POLA2: variants seen among roughly 807,000 people sequenced by gnomAD.
POLA2 encodes DNA polymerase alpha subunit B.
POLA2 carries 47 observed loss-of-function variants against 82.8 expected under a neutral mutation model. That is an observed-to-expected ratio of 0.57 (90% CI 0.45 to 0.72). The LOEUF is 0.72. Ranked by LOEUF, POLA2 falls within the 30% of genes least tolerant of loss-of-function variation. The pLI, the probability that POLA2 is intolerant of heterozygous loss-of-function variation, is 0.00. For missense variants in POLA2, 634 were observed against 728.1 expected (o/e 0.87, Z 1.49); for synonymous variants, 287 against 286.8 (o/e 1.00, Z -0.01).
chr11:65,279,212 A>C (rs1590899482), intron 6 of POLA2, among the ~76,000 whole-genome samples: 1 of 152,310 alleles, frequency 6.6e-6, no homozygotes, highest in Admixed American at 6.5e-5. Context: ...CCTTCGTTAG[A>C]AGCCTTCTTC....
chr11:65,278,529 C>T (rs1949604503), intron 5 of POLA2, among the ~76,000 whole-genome samples: 1 of 152,212 alleles, frequency 6.6e-6, no homozygotes, highest in Non-Finnish European at 1.5e-5. Context: ...TGGTATTCCT[C>T]AGCCTGGTAT....
chr11:65,283,968 CAA>C (rs879880217), intron 10 of POLA2, among the ~76,000 whole-genome samples: 10 of 95,682 alleles, frequency 1.0e-4, no homozygotes, highest in Non-Finnish European at 9.0e-5. Context: ...CCTGTCTCTA[CAA>C]AAAAAAAAAA....
At chr11:65,295,157 G>T (rs550552393) in intron 15 of POLA2, among the ~76,000 whole-genome samples, 1 of 152,234 alleles carries the variant, frequency 6.6e-6, no homozygotes, top group African/African-American at 2.4e-5. Context: ...CATGTGAAGC[G>T]ACTCGCGTGT....
intron 8 of POLA2, 152 bp from the exon 9 acceptor site, chr11:65,281,518 A>G: frequency 1.6e-6 from 1 of 641,732 alleles, no homozygotes; most frequent in South Asian, 1.8e-5. Flanking sequence ...TTACTAATGC[A>G]ACGCCCTTAA....
At chr11:65,265,901 C>T (rs1949455301) in intron 1 of POLA2, among the ~76,000 whole-genome samples, 1 of 152,218 alleles carries the variant, frequency 6.6e-6, no homozygotes, top group Non-Finnish European at 1.5e-5. Context: ...TAGATACGCT[C>T]ACTCCCTTGG....
downstream of POLA2, among the ~76,000 whole-genome samples, chr11:65,300,508 T>C (rs1164330741): frequency 2.0e-5 from 3 of 152,226 alleles, no homozygotes; most frequent in Non-Finnish European, 1.5e-5. Flanking sequence ...CGCCTCGGCC[T>C]CCCAAAGTGT....
chr11:65,294,361 G>C (rs1294455011), intron 14 of POLA2, 100 bp downstream of exon 14: 2 of 1,038,126 alleles, frequency 1.9e-6, no homozygotes, highest in Admixed American at 1.8e-5. Context: ...CCTCTTTAGG[G>C]TGTGCGTACA....
chr11:65,304,760 G>A (rs994384017), intron 8 of POLA2, among the ~76,000 whole-genome samples: 7 of 152,184 alleles, frequency 4.6e-5, no homozygotes, highest in Non-Finnish European at 1.0e-4. Flanking sequence ...GCTGGGCACC[G>A]CCGACAGCTG....
At chr11:65,262,806 T>C (rs943101269) in intron 1 of POLA2, among the ~76,000 whole-genome samples, 1 of 152,210 alleles carries the variant, frequency 6.6e-6, no homozygotes, top group Non-Finnish European at 1.5e-5. Flanking sequence ...CCATCAGTTA[T>C]TTTATCATAG....
intron 13 of POLA2, 52 bp from the exon 14 acceptor site, chr11:65,294,101 C>T: frequency 1.3e-6 from 2 of 1,496,078 alleles, no homozygotes; most frequent in Non-Finnish European, 1.9e-6. Flanking sequence ...GCTGTTCTAA[C>T]TCAACTGCAC....
intron 4 of POLA2, among the ~76,000 whole-genome samples, chr11:65,271,457 GTTTAC>G (rs1234459576): frequency 6.6e-6 from 1 of 152,130 alleles, no homozygotes; most frequent in Non-Finnish European, 1.5e-5. Flanking sequence ...GTGCAAATTT[GTTTAC>G]TTTACTATTG....
chr11:65,291,779 G>A (rs1346265682), intron 13 of POLA2, among the ~76,000 whole-genome samples: 1 of 152,206 alleles, frequency 6.6e-6, no homozygotes, highest in African/African-American at 2.4e-5. Flanking sequence ...GGGGATGAGA[G>A]CCCAGCACCA....
At chr11:65,285,809 G>A (rs769543801) in intron 10 of POLA2, among the ~76,000 whole-genome samples, 1 of 152,004 alleles carries the variant, frequency 6.6e-6, no homozygotes, top group Non-Finnish European at 1.5e-5. Context: ...CATGGCCCTC[G>A]CCCTCCAGAG....
intron 11 of POLA2, among the ~76,000 whole-genome samples, chr11:65,288,506 TTTTTTG>T (rs1472782960): frequency 1.8e-5 from 2 of 108,866 alleles, no homozygotes; most frequent in Non-Finnish European, 4.3e-5. Flanking sequence ...TGTTCGTTTG[TTTTTTG>T]TTTTTTTTTT....
At chr11:65,290,538 A>G (rs545066661) in intron 13 of POLA2, among the ~76,000 whole-genome samples, 45 of 151,632 alleles carry the variant, frequency 3.0e-4, no homozygotes, top group African/African-American at 1.1e-3. Flanking sequence ...CTCCTTTTCC[A>G]AAAAAAAATC....
intron 13 of POLA2, among the ~76,000 whole-genome samples, chr11:65,293,382 G>A (rs779668117): frequency 1.3e-5 from 2 of 152,066 alleles, no homozygotes; most frequent in Non-Finnish European, 2.9e-5. Context: ...GGCCAAGGTC[G>A]GTGGATCACT....
intron 3 of POLA2, 30 bp from the exon 4 acceptor site, chr11:65,268,642 A>G (rs1949489031): frequency 2.7e-6 from 4 of 1,488,106 alleles, no homozygotes; most frequent in East Asian, 2.3e-5. Context: ...GTGCCCAGCC[A>G]TTATTGTTTT....
At chr11:65,305,333 G>A (rs1411456794) in intron 8 of POLA2, 8 of 455,264 alleles carry the variant, frequency 1.8e-5, no homozygotes, top group Admixed American at 1.4e-4. Context: ...TAAGAGAAAC[G>A]CAAACTCTAA....
At chr11:65,302,310 G>A (rs986333964), downstream of POLA2, among the ~76,000 whole-genome samples, 7 of 152,184 alleles carry the variant, frequency 4.6e-5, no homozygotes, top group African/African-American at 1.7e-4. Context: ...CTGGGTAGAG[G>A]CACCCCTAGC....
Sources: allele counts gnomAD v4.1 joint callset (sites outside exome capture counted in the v4.1 genomes callset), GRCh38; gene constraint gnomAD v4.1.1; transcripts MANE v1.5; gene names NCBI Gene and HGNC (gene_info 2026-07-23, HGNC 2026-07-21).